The following APLP2 variants were observed in gnomAD, a reference collection of about 807,000 sequenced individuals.
The protein encoded by APLP2 is CDEI box-binding protein.
APLP2 carries 53 observed loss-of-function variants against 89.9 expected under a neutral mutation model. That is an observed-to-expected ratio of 0.59 (90% confidence interval 0.47 to 0.74). The LOEUF is 0.74. APLP2 is among the 30% of genes least tolerant of loss of function. The pLI, the probability that APLP2 is intolerant of heterozygous loss-of-function variation, is 0.00. For missense variants in APLP2, 973 were observed against 975.9 expected (o/e 1.00, Z 0.04); for synonymous variants, 372 against 348.6 (o/e 1.07, Z -0.75).
At chr11:130,115,057 C>G (rs758419029) in intron 3 of APLP2, among the ~76,000 whole-genome samples, 7 of 151,968 alleles carry the variant, frequency 4.6e-5, no homozygotes, top group Non-Finnish European at 8.8e-5. Context: ...TTCTCTGAAC[C>G]CTGTTTTCCC....
At chr11:130,091,551 C>CA (rs1388711586) in intron 1 of APLP2, among the ~76,000 whole-genome samples, 29 of 144,402 alleles carry the variant, frequency 2.0e-4, no homozygotes, top group African/African-American at 7.6e-4. Flanking sequence ...GGCTGACCCC[C>CA]CCACCTCCCT....
chr11:130,073,944 C>T (rs1419777187), intron 1 of APLP2, among the ~76,000 whole-genome samples: 1 of 152,190 alleles, frequency 6.6e-6, no homozygotes, highest in Non-Finnish European at 1.5e-5. Flanking sequence ...TTCTTCTAGT[C>T]ACATTTGCTT....
Position 130,109,539 on chromosome 11 carries a change from T to G in APLP2, c.216T>G (p.Pro72=). ...ACATTCAGACTGGGAAATGGGAACC[T>G]GATCCAACAGGCACCAAGAGCTGCT... is the stretch of plus-strand genomic sequence containing the variant. The part of the protein sequence containing the change: ...HVNIQTGKWE[P]DPTGTKSCFE... The change falls in exon 2 of 17, where the codon CCT becomes CCG. Residue 72 remains proline (P), a synonymous_variant. Transcript: ENST00000338167. The G allele has an allele frequency of 6.2e-7, 1 of 1,613,784 alleles. No homozygotes were observed. Among genetic ancestry groups the G allele is most frequent in the South Asian group, 1.1e-5 (1 of 91,048 alleles).
At position 130,141,934 on chromosome 11, in the gene APLP2, C is replaced by T. The variant is rs150083456; in HGVS notation, c.2014C>T (p.Leu672=). 1.2e-5 allele frequency: 20 copies of T among 1,606,682 alleles called. No individual in the cohort carries two copies. The highest frequency in any genetic ancestry group is 1.7e-5 in the Non-Finnish European group (20 of 1,174,060). The part of the protein sequence containing the change: ...LEEERESVGP[L]REDFSLSSSA... ...TATTACGTAGGAATCCGTGGGCCCA[C>T]TGCGGGAGGACTTCAGTCTGAGTAG... Residue 672 remains leucine (L), a synonymous_variant, in exon 16 of 17, where the codon CTG becomes TTG. Transcript: ENST00000338167. The surrounding 1 kb of genome is among the most constrained non-coding windows in gnomAD (Gnocchi z 4.2).
intron 10 of APLP2, 64 bp downstream of exon 10, chr11:130,129,270 C>T: frequency 6.6e-7 from 1 of 1,506,670 alleles, no homozygotes; most frequent in Non-Finnish European, 8.9e-7. Context: ...ATGTATGACA[C>T]TCAGGTCAGT....
intron 11 of APLP2, 57 bp from the exon 12 acceptor site, chr11:130,133,572 C>T: frequency 7.7e-7 from 1 of 1,295,968 alleles, no homozygotes; most frequent in Non-Finnish European, 1.1e-6. Flanking sequence ...CTGCAAGTTC[C>T]CTCCTGGCCT....
At chr11:130,102,358 A>T (rs1947055882) in intron 1 of APLP2, among the ~76,000 whole-genome samples, 1 of 152,236 alleles carries the variant, frequency 6.6e-6, no homozygotes, top group African/African-American at 2.4e-5. Context: ...GGCCTGCTTC[A>T]TTCCGCGTTT....
intron 1 of APLP2, among the ~76,000 whole-genome samples, chr11:130,092,493 G>A (rs1447809032): frequency 7.1e-6 from 1 of 139,966 alleles, no homozygotes; most frequent in Non-Finnish European, 1.5e-5. Flanking sequence ...GCCGAGGTTG[G>A]CGGATCACTC....
In APLP2 at chr11:130,126,716, G is replaced by A; in HGVS notation, c.1107G>A (p.Leu369=). 1 of 1,613,964 alleles carries A rather than the reference G, an allele frequency of 6.2e-7. No homozygotes were observed. Among genetic ancestry groups the A allele is most frequent in the Non-Finnish European group, 8.5e-7 (1 of 1,179,850 alleles). Residue 369 remains leucine (L), a synonymous_variant, in exon 8 of 17, where the codon CTG becomes CTA. Coordinates refer to ENST00000338167, the MANE Select transcript of APLP2 (RefSeq NM_001142276.2). ...VCKAMIPPTP[L]PTNDVDVYFE... The stretch of plus-strand genomic sequence containing the variant: ...TTGTTTCAGTTCCTCCAACTCCTCT[G>A]CCAACCAATGATGTTGATGTGTATT...
intron 9 of APLP2, 64 bp from the exon 10 acceptor site, chr11:130,128,984 G>C (rs1158885342): frequency 6.4e-7 from 1 of 1,553,004 alleles, no homozygotes; most frequent in Non-Finnish European, 8.7e-7. Flanking sequence ...GGGGTCTCAG[G>C]GTGCTTGCTT....
rs749531595 is a variant in APLP2 at position 130,144,710 on chromosome 11, C to A, written c.*1262C>A. On this transcript the variant is annotated 3_prime_UTR_variant, in exon 17 of 17. Coordinates refer to ENST00000338167, the MANE Select transcript of APLP2 (RefSeq NM_001142276.2). ...CTTTGACCCTATTCATGTCTCTACC[C>A]ACTATGCACAGATTAAACTTCACCT... 6.6e-6 allele frequency: 1 copy of A among 152,440 alleles called. No individual in the cohort carries two copies. The highest frequency in any genetic ancestry group is 2.4e-5 in the African/African-American group (1 of 41,344). 9.4% of individuals were successfully genotyped at this position (152,440 alleles called of 1,614,324 possible).
At chr11:130,074,054 CAA>C (rs1488577996) in intron 1 of APLP2, among the ~76,000 whole-genome samples, 1 of 152,068 alleles carries the variant, frequency 6.6e-6, no homozygotes, top group African/African-American at 2.4e-5. Flanking sequence ...TTCTAAGAGC[CAA>C]AGACATTGTC....
intron 1 of APLP2, among the ~76,000 whole-genome samples, chr11:130,102,594 A>G (rs766797038): frequency 6.6e-6 from 1 of 152,174 alleles, no homozygotes; most frequent in Non-Finnish European, 1.5e-5. Flanking sequence ...CTGGGTGTGC[A>G]CGTTTGCTTT....
Position 130,070,765 on chromosome 11 carries a change from G to A in APLP2, c.105+683G>A. ...CGCTCTGGGTGCGTTGACCGCTTTC[G>A]TGAGGGTTTCAGTGAGTAGGGAAGG... On this transcript the variant is annotated intron_variant, in intron 1 of 16. Coordinates refer to ENST00000338167, the MANE Select transcript of APLP2 (RefSeq NM_001142276.2). 2.8e-6 allele frequency: 4 copies of A among 1,406,402 alleles called. No homozygotes were observed. The South Asian group carries it at 4.3e-5, about 15-fold the overall frequency. The allele number at this position is 1,406,402 out of a possible 1,614,324, so 87.1% of individuals were successfully genotyped here. A position where few individuals can be genotyped will look rare whatever the true frequency, so the allele number is the denominator to read the frequency against.
rs1950081477 is a variant in APLP2, at chr11:130,123,729, G to GT, written c.1040_1041insT (p.Arg347SerfsTer5). 1 of 1,614,130 alleles carries GT rather than the reference G, an allele frequency of 6.2e-7. No homozygotes were observed. Among genetic ancestry groups the GT allele is most frequent in the South Asian group, 1.1e-5 (1 of 91,090 alleles). On this transcript the variant is annotated frameshift_variant, in exon 7 of 17. Transcript: ENST00000338167. LOFTEE classifies it high-confidence loss of function. This position sits in a 1 kb window ranked among gnomAD's most constrained non-coding sequence, Gnocchi z 4.0. Reference sequence around the variant, plus strand: ...ATATATGGTGGCTGCGGCGGCAACAGGAACAATTTTGAGTCTGAGGATTAT... The same window carrying GT: ...ATATATGGTGGCTGCGGCGGCAACAGTGAACAATTTTGAGTCTGAGGATTAT...
chr11:130,099,576 G>A (rs1946640633), intron 1 of APLP2, among the ~76,000 whole-genome samples: 1 of 152,234 alleles, frequency 6.6e-6, no homozygotes, highest in Non-Finnish European at 1.5e-5. Flanking sequence ...CAGGAAGTCA[G>A]CAACTCTTGG....
chr11:130,080,698 T>C (rs1942984439), intron 1 of APLP2, among the ~76,000 whole-genome samples: 1 of 100,632 alleles, frequency 9.9e-6, no homozygotes, highest in East Asian at 3.7e-4. Flanking sequence ...TTTATCTTTC[T>C]TTTTTTTTTT....
chr11:130,104,019 T>G (rs1591798954), intron 1 of APLP2, among the ~76,000 whole-genome samples: 1 of 152,230 alleles, frequency 6.6e-6, no homozygotes. Context: ...TTTTCTTCAT[T>G]TAATTCTATC....
At chr11:130,128,317 C>T (rs1950590157) in intron 9 of APLP2, among the ~76,000 whole-genome samples, 1 of 152,160 alleles carries the variant, frequency 6.6e-6, no homozygotes, top group South Asian at 2.1e-4. Context: ...TAGCAATTTC[C>T]AGGACTGATT....
Sources: gnomAD v4.1 joint callset for allele counts (sites outside exome capture counted in the v4.1 genomes callset) on GRCh38, gnomAD v4.1.1 for gene constraint, Gnocchi (gnomAD v3.1) non-coding constraint, MANE v1.5 for transcripts, NCBI Gene and HGNC (gene_info 2026-07-23, HGNC 2026-07-21) for gene names.